PCDH9: variants seen among roughly 807,000 people sequenced by gnomAD.
PCDH9 encodes the protein protocadherin-9.
A neutral mutation model predicts 70.6 loss-of-function variants in PCDH9; 24 were observed. The ratio of observed to expected loss-of-function variants is 0.34; its 90% CI spans 0.25 to 0.48. The LOEUF (loss-of-function observed/expected upper bound fraction) is 0.48, where lower values mean the gene tolerates loss of function less well. PCDH9 is among the 20% of genes least tolerant of loss of function. PCDH9 has a pLI of 0.99. For missense variants in PCDH9, 1,281 were observed against 1,503.6 expected (o/e 0.85, Z 2.45); for synonymous variants, 562 against 558.5 (o/e 1.01, Z -0.09).
chr13:66,760,104 T>G (rs1206536232), intron 3 of PCDH9, among the ~76,000 whole-genome samples: 1 of 152,182 alleles, frequency 6.6e-6, no homozygotes, highest in East Asian at 1.9e-4. Flanking sequence ...AAAGATAGCT[T>G]TGCAGGATAT....
intron 2 of PCDH9, among the ~76,000 whole-genome samples, chr13:67,181,292 A>G (rs186622785): frequency 7.2e-5 from 11 of 152,306 alleles, no homozygotes; most frequent in Middle Eastern, 3.4e-3. Flanking sequence ...TTCTACTTAA[A>G]GCAGCTGCAT....
chr13:66,738,425 C>A (rs376276994), intron 3 of PCDH9, among the ~76,000 whole-genome samples: 1 of 151,742 alleles, frequency 6.6e-6, no homozygotes, highest in African/African-American at 2.4e-5. Flanking sequence ...AACTGTAAAA[C>A]GCAGAGCGCC....
intron 3 of PCDH9, among the ~76,000 whole-genome samples, chr13:66,637,859 A>T (rs1440727807): frequency 6.6e-6 from 1 of 151,674 alleles, no homozygotes; most frequent in Non-Finnish European, 1.5e-5. Context: ...GCTTGCAGTG[A>T]GCCGAGATCA....
At chr13:66,772,722 G>C (rs1001712606) in intron 3 of PCDH9, among the ~76,000 whole-genome samples, 1 of 151,832 alleles carries the variant, frequency 6.6e-6, no homozygotes, top group African/African-American at 2.4e-5. Context: ...AAATATCACA[G>C]TAAATCTTAC....
chr13:66,743,605 A>G (rs2079307598), intron 3 of PCDH9, among the ~76,000 whole-genome samples: 1 of 152,154 alleles, frequency 6.6e-6, no homozygotes, highest in South Asian at 2.1e-4. Context: ...AGTTAATAAC[A>G]ATGTATTGTA....
rs974627775 is a variant in PCDH9 at position 66,846,417 on chromosome 13, C to T, written c.3138+57087G>A. 1.4e-4 allele frequency among the ~76,000 whole-genome samples: 22 copies of T among 152,230 alleles called. No homozygotes were observed. The East Asian group carries it at 4.1e-3, about 28-fold the overall frequency. On this transcript the variant is annotated intron_variant, in intron 3 of 4. Coordinates refer to ENST00000377865, the MANE Select transcript of PCDH9 (RefSeq NM_203487.3). ...TATGAATGCCTTTTTTCACTACCAA[C>T]ATGTTGACCAGATGTTTTTTTAGCC...
intron 4 of PCDH9, among the ~76,000 whole-genome samples, chr13:66,537,450 A>G (rs1414949490): frequency 6.6e-6 from 1 of 152,132 alleles, no homozygotes; most frequent in African/African-American, 2.4e-5. Flanking sequence ...TAACAGGCCT[A>G]CAGAGAAGAT....
At chr13:66,816,531 T>G (rs2080608510) in intron 3 of PCDH9, among the ~76,000 whole-genome samples, 2 of 152,206 alleles carry the variant, frequency 1.3e-5, no homozygotes, top group South Asian at 2.1e-4. Flanking sequence ...AAGTTAGCAT[T>G]AATGTTCTCT....
chr13:66,965,707 A>C (rs764917870), intron 2 of PCDH9, among the ~76,000 whole-genome samples: 10 of 152,058 alleles, frequency 6.6e-5, no homozygotes, highest in Non-Finnish European at 1.2e-4. Flanking sequence ...ATAAATGATT[A>C]TCTTTAATCA....
At chr13:66,317,892 G>A (rs1243663398) in intron 4 of PCDH9, among the ~76,000 whole-genome samples, 5 of 152,088 alleles carry the variant, frequency 3.3e-5, no homozygotes, top group Non-Finnish European at 7.4e-5. Context: ...TGTCATTTTA[G>A]TGTACATGTA....
intron 4 of PCDH9, among the ~76,000 whole-genome samples, chr13:66,614,845 G>T (rs540266210): frequency 6.6e-6 from 1 of 152,136 alleles, no homozygotes; most frequent in Non-Finnish European, 1.5e-5. Flanking sequence ...ATAACCTGAC[G>T]CGTCCACCCT....
At chr13:66,328,500 C>G (rs1955884250) in intron 4 of PCDH9, among the ~76,000 whole-genome samples, 1 of 152,064 alleles carries the variant, frequency 6.6e-6, no homozygotes, top group African/African-American at 2.4e-5. Flanking sequence ...AGAAAATTTA[C>G]AAGGTGGTAT....
chr13:66,343,753 T>C (rs889260047), intron 4 of PCDH9, among the ~76,000 whole-genome samples: 1 of 152,200 alleles, frequency 6.6e-6, no homozygotes, highest in Non-Finnish European at 1.5e-5. Context: ...ATTGGTCATG[T>C]CAACTGACAT....
At chr13:67,168,421 C>T (rs2088182287) in intron 2 of PCDH9, among the ~76,000 whole-genome samples, 1 of 152,008 alleles carries the variant, frequency 6.6e-6, no homozygotes, top group Non-Finnish European at 1.5e-5. Context: ...ATATCAGTGA[C>T]CTTAAAAAGT....
chr13:67,099,940 C>T (rs2138235948), intron 2 of PCDH9, among the ~76,000 whole-genome samples: 1 of 152,202 alleles, frequency 6.6e-6, no homozygotes, highest in Non-Finnish European at 1.5e-5. Context: ...TGCTCCATGG[C>T]ACCGTATAAC....
Position 66,902,551 on chromosome 13 carries a change from G to C in PCDH9, c.3138+953C>G, listed in dbSNP as rs116261670. Among the ~76,000 whole-genome samples the C allele has an allele frequency of 8.3e-3, 1,251 of 151,356 alleles. 17 individuals carry two copies. The highest frequency in any genetic ancestry group is 0.029 in the African/African-American group (1,191 of 41,372). ...AATGGAGGGGACCTACGTTCTGTAAGAAAACAGAATACACACACAGGCACA... is the reference window on the plus strand; with the variant it reads ...AATGGAGGGGACCTACGTTCTGTAACAAAACAGAATACACACACAGGCACA... On this transcript the variant is annotated intron_variant, in intron 3 of 4. Coordinates refer to ENST00000377865, the MANE Select transcript of PCDH9 (RefSeq NM_203487.3).
intron 4 of PCDH9, among the ~76,000 whole-genome samples, chr13:66,434,460 T>A (rs1372567649): frequency 6.6e-6 from 1 of 152,034 alleles, no homozygotes; most frequent in Non-Finnish European, 1.5e-5. Context: ...TTTGCTTATA[T>A]TCTGCCTCTA....
At chr13:66,339,384 G>T (rs999483205) in intron 4 of PCDH9, among the ~76,000 whole-genome samples, 1 of 151,922 alleles carries the variant, frequency 6.6e-6, no homozygotes, top group African/African-American at 2.4e-5. Flanking sequence ...GTGTTGGGGG[G>T]GTGTGGGTGA....
Position 66,505,544 on chromosome 13 carries a change from G to C in PCDH9, c.3340+125666C>G, listed in dbSNP as rs118179531. Among the ~76,000 whole-genome samples the C allele has an allele frequency of 7.0e-3, 1,062 of 151,202 alleles. 34 individuals carry two copies. In the East Asian group the frequency reaches 0.092, roughly 13 times the overall value. On this transcript the variant is annotated intron_variant, in intron 4 of 4. Coordinates refer to ENST00000377865, the MANE Select transcript of PCDH9 (RefSeq NM_203487.3). ...GCCAAACCATATCAGAGATTTAATT[G>C]GCTCACAGTTCCATATGGTTGAGGG...
Sources: allele counts gnomAD v4.1 joint callset (sites outside exome capture counted in the v4.1 genomes callset), GRCh38; gene constraint gnomAD v4.1.1; transcripts MANE v1.5; gene names NCBI Gene and HGNC (gene_info 2026-07-23, HGNC 2026-07-21).